CPQ: variants seen among roughly 807,000 people sequenced by gnomAD.
CPQ encodes the protein Ser-Met dipeptidase.
Under a neutral mutation model 45.7 loss-of-function variants are expected in CPQ, and 37 were observed. The ratio of observed to expected loss-of-function variants is 0.81; its 90% confidence interval spans 0.62 to 1.07. The LOEUF is 1.07. CPQ is among the 50% of genes least tolerant of loss of function. The pLI is 0.00. For missense variants in CPQ, 537 were observed against 572.9 expected (o/e 0.94, Z 0.64); for synonymous variants, 186 against 205.8 (o/e 0.90, Z 0.82).
In CPQ at chr8:97,122,942, A is replaced by AAAATAAAATAAAATAAAATAAAAT. The variant is rs1811742777; in HGVS notation, c.1256-20074_1256-20051dup. Among the ~76,000 whole-genome samples, 3 of 64,318 alleles carry AAAATAAAATAAAATAAAATAAAAT rather than the reference A, an allele frequency of 4.7e-5. No individual in the cohort carries two copies. In the South Asian group the frequency reaches 1.4e-3, roughly 29 times the overall value. 42.2% of individuals were successfully genotyped at this position (64,318 alleles called of 152,430 possible). On this transcript the variant is annotated intron_variant, in intron 7 of 7. Coordinates refer to ENST00000220763, the MANE Select transcript of CPQ (RefSeq NM_016134.4). ...TAAAATAAAATAAATAAAATAAAAT[A>AAAATAAAATAAAATAAAATAAAAT]AAATAAAATAAAATAAAATAAAATA...
At chr8:96,826,463 C>A (rs143618380) in intron 2 of CPQ, among the ~76,000 whole-genome samples, 87 of 151,982 alleles carry the variant, frequency 5.7e-4, no homozygotes, top group Admixed American at 1.9e-3. Context: ...AGCTTTAATT[C>A]TTGTTCTGTA....
chr8:96,741,550 C>A (rs1810092497), intron 1 of CPQ, among the ~76,000 whole-genome samples: 1 of 152,038 alleles, frequency 6.6e-6, no homozygotes, highest in Non-Finnish European at 1.5e-5. Flanking sequence ...TTTTCTAATT[C>A]TTTTAATTGT....
intron 5 of CPQ, among the ~76,000 whole-genome samples, chr8:97,008,544 C>T (rs985037181): frequency 1.3e-5 from 2 of 152,126 alleles, no homozygotes; most frequent in African/African-American, 4.8e-5. Context: ...GCCAGGTTCT[C>T]ATAGGACTAA....
At chr8:97,064,881 G>T (rs532862478) in intron 6 of CPQ, among the ~76,000 whole-genome samples, 1 of 152,096 alleles carries the variant, frequency 6.6e-6, no homozygotes, top group Non-Finnish European at 1.5e-5. Context: ...CAGAGCCAGC[G>T]CTACCATTTG....
chr8:96,712,537 C>G lies in CPQ; in HGVS notation c.-35+67135C>G, dbSNP rs546495515. ...CAAACCCCAGTTCTTGACTTCTGTG[C>G]ACCCGCAGGCCCAACACCACATGTA... On this transcript the variant is annotated intron_variant, in intron 1 of 7. Transcript: ENST00000220763. 6.2e-4 allele frequency among the ~76,000 whole-genome samples: 95 copies of G among 152,324 alleles called. 2 individuals carry two copies. The South Asian group carries it at 0.013, about 20-fold the overall frequency.
rs769993744 is a variant in CPQ at position 96,780,710 on chromosome 8, CT to C, written c.-34-4138del. On this transcript the variant is annotated intron_variant, in intron 1 of 7. Transcript: ENST00000220763. ...TCTTTTCTTTCTTTCTTTTTCTTTACTTTTTTTTTTTTTTTTAGGGACTGGA... is the reference window on the plus strand; with the variant it reads ...TCTTTTCTTTCTTTCTTTTTCTTTACTTTTTTTTTTTTTTTAGGGACTGGA... 3.9e-3 allele frequency among the ~76,000 whole-genome samples: 520 copies of C among 134,810 alleles called. 2 individuals carry two copies. Among genetic ancestry groups the C allele is most frequent in the East Asian group, 0.03 (139 of 4,702 alleles). 88.4% of individuals were successfully genotyped at this position (134,810 alleles called of 152,430 possible).
chr8:96,790,241 G>A (rs1235123658), intron 2 of CPQ, among the ~76,000 whole-genome samples: 1 of 152,086 alleles, frequency 6.6e-6, no homozygotes, highest in Non-Finnish European at 1.5e-5. Flanking sequence ...CTACTGCAAG[G>A]GAGCTAGATG....
intron 2 of CPQ, among the ~76,000 whole-genome samples, chr8:96,796,386 A>T (rs1315182213): frequency 1.3e-5 from 2 of 152,146 alleles, no homozygotes; most frequent in East Asian, 3.8e-4. Context: ...TTATTAATGA[A>T]TTATTTTAAT....
At chr8:96,800,431 A>T (rs1407529827) in intron 2 of CPQ, among the ~76,000 whole-genome samples, 2 of 152,172 alleles carry the variant, frequency 1.3e-5, no homozygotes, top group Non-Finnish European at 2.9e-5. Flanking sequence ...TCTCTAGCCA[A>T]ATTAAATATA....
At chr8:96,901,978 GT>G (rs1246391948) in intron 4 of CPQ, among the ~76,000 whole-genome samples, 4 of 152,062 alleles carry the variant, frequency 2.6e-5, no homozygotes, top group African/African-American at 9.7e-5. Flanking sequence ...CATATTTGTC[GT>G]TCCAGGAATT....
chr8:96,763,349 C>A (rs948742621), intron 1 of CPQ, among the ~76,000 whole-genome samples: 1 of 152,062 alleles, frequency 6.6e-6, no homozygotes, highest in African/African-American at 2.4e-5. Flanking sequence ...AAAGAACCTC[C>A]TTTTTCACTG....
chr8:97,072,637 T>C (rs768973210), intron 7 of CPQ, among the ~76,000 whole-genome samples: 8 of 152,192 alleles, frequency 5.3e-5, no homozygotes, highest in African/African-American at 1.7e-4. Flanking sequence ...ACAAGTCTAA[T>C]TGAAGTTCCA....
intron 4 of CPQ, among the ~76,000 whole-genome samples, chr8:96,900,624 A>G (rs1483241776): frequency 6.6e-6 from 1 of 152,152 alleles, no homozygotes; most frequent in Non-Finnish European, 1.5e-5. Flanking sequence ...TTTATTTTTT[A>G]TGCTTAAGGG....
intron 1 of CPQ, among the ~76,000 whole-genome samples, chr8:96,688,547 G>A (rs556519250): frequency 7.9e-5 from 12 of 152,018 alleles, no homozygotes; most frequent in Non-Finnish European, 1.8e-4. Flanking sequence ...TGGAAGATTT[G>A]TAATTTTATG....
intron 7 of CPQ, among the ~76,000 whole-genome samples, chr8:97,103,468 T>C (rs1383868756): frequency 1.3e-5 from 2 of 152,180 alleles, no homozygotes; most frequent in Admixed American, 1.3e-4. Flanking sequence ...CACTCCTGTC[T>C]TATCTCTACT....
intron 1 of CPQ, among the ~76,000 whole-genome samples, chr8:96,740,495 C>G (rs1227943948): frequency 2.0e-5 from 3 of 151,688 alleles, no homozygotes; most frequent in Non-Finnish European, 4.4e-5. Context: ...ACTTCCAACA[C>G]TATGTTGAAT....
At chr8:96,781,985 G>A (rs928525507) in intron 1 of CPQ, among the ~76,000 whole-genome samples, 9 of 152,158 alleles carry the variant, frequency 5.9e-5, no homozygotes, top group Non-Finnish European at 1.3e-4. Flanking sequence ...CTGGGGAAGG[G>A]GTTGAGCCCC....
Position 96,719,605 on chromosome 8 carries a change from AGCGAGTGAGG to A in CPQ, c.-34-65256_-34-65247del, listed in dbSNP as rs1460000495. On this transcript the variant is annotated intron_variant, in intron 1 of 7. Transcript: ENST00000220763. Reference sequence around the variant, plus strand: ...GAGCCCAGGCAGAGGAGGCACTGAGAGCGAGTGAGGGCTGTGAAGACTGCCAACATGCTGT... The same window carrying A: ...GAGCCCAGGCAGAGGAGGCACTGAGAGCTGTGAAGACTGCCAACATGCTGT... Among the ~76,000 whole-genome samples, 6 of 152,282 alleles carry A rather than the reference AGCGAGTGAGG, an allele frequency of 3.9e-5. No homozygotes were observed. In the South Asian group the frequency reaches 1.2e-3, roughly 32 times the overall value.
intron 1 of CPQ, among the ~76,000 whole-genome samples, chr8:96,736,340 C>T (rs1294893491): frequency 6.6e-6 from 1 of 152,176 alleles, no homozygotes; most frequent in African/African-American, 2.4e-5. Context: ...TATATAGTTC[C>T]TGGCTGAAGA....
Sources: gnomAD v4.1 joint callset for allele counts (sites outside exome capture counted in the v4.1 genomes callset) on GRCh38, gnomAD v4.1.1 for gene constraint, MANE v1.5 for transcripts, NCBI Gene and HGNC (gene_info 2026-07-23, HGNC 2026-07-21) for gene names.